The following PPARD variants were observed in gnomAD, a reference collection of about 807,000 sequenced individuals.
PPARD encodes peroxisome proliferator activated receptor delta.
PPARD carries 6 observed loss-of-function variants against 39.5 expected under a neutral mutation model. The observed-to-expected ratio is 0.15, with a 90% confidence interval of 0.08 to 0.30. The LOEUF (loss-of-function observed/expected upper bound fraction) is 0.30. Among genes scored for constraint, PPARD ranks in the 10% least tolerant of loss-of-function variants. The pLI is 1.00. For missense variants in PPARD, 397 were observed against 596.8 expected (o/e 0.67, Z 3.49); for synonymous variants, 210 against 231.3 (o/e 0.91, Z 0.83).
intron 2 of PPARD, among the ~76,000 whole-genome samples, chr6:35,384,692 C>T (rs1763472119): frequency 2.2e-5 from 2 of 92,236 alleles, no homozygotes; most frequent in Non-Finnish European, 4.0e-5. Context: ...GCCAGCCGCC[C>T]CGTCTGGGAG....
intron 2 of PPARD, among the ~76,000 whole-genome samples, chr6:35,352,753 T>G (rs538624760): frequency 6.6e-6 from 1 of 152,184 alleles, no homozygotes; most frequent in Non-Finnish European, 1.5e-5. Flanking sequence ...TTGAATGGAG[T>G]GCGTATACAT....
At position 35,365,431 on chromosome 6, in the gene PPARD, C is replaced by T. The variant is rs141804010; in HGVS notation, c.-102+18281C>T. Among the ~76,000 whole-genome samples, 475 of 150,820 alleles carry T rather than the reference C, an allele frequency of 3.1e-3. 12 individuals are homozygous for T. The highest frequency in any genetic ancestry group is 9.8e-3 in the African/African-American group (398 of 40,552). On this transcript the variant is annotated intron_variant, in intron 2 of 7. Transcript: ENST00000360694. ...CTGGGATTACAGGTGTGAGCCACCA[C>T]GCCCAGCCCCTCATTCTTTTTTTTT...
At chr6:35,390,064 C>T (rs950963626) in intron 2 of PPARD, among the ~76,000 whole-genome samples, 5 of 152,190 alleles carry the variant, frequency 3.3e-5, no homozygotes, top group East Asian at 1.9e-4. Flanking sequence ...CCAGCCAAAG[C>T]GGACAGCTCG....
intron 2 of PPARD, among the ~76,000 whole-genome samples, chr6:35,372,489 T>G (rs1202812088): frequency 6.6e-6 from 1 of 152,244 alleles, no homozygotes; most frequent in Non-Finnish European, 1.5e-5. Context: ...CACTCTGAGC[T>G]TTATAACCAG....
In PPARD at chr6:35,424,058, C is replaced by T. The variant is rs201159222; in HGVS notation, c.537C>T (p.Ser179=). 1.9e-6 allele frequency: 3 copies of T among 1,614,180 alleles called. No homozygotes were observed. Among genetic ancestry groups the T allele is most frequent in the Non-Finnish European group, 1.7e-6 (2 of 1,180,046 alleles). The change falls in exon 6 of 8, where the codon TCC becomes TCT. Residue 179 remains serine (S), a synonymous_variant. Transcript: ENST00000360694. The surrounding 1 kb of genome is among the most constrained non-coding windows in gnomAD (Gnocchi z 7.1). ...NPQVADLKAF[S]KHIYNAYLKN... ...AGGTGGCCGACCTGAAGGCCTTCTC[C>T]AAGCACATCTACAATGCCTACCTGA...
At position 35,404,953 on chromosome 6, in the gene PPARD, T is replaced by TGTGTGTGTGTG. The variant is rs1764934030; in HGVS notation, c.-101-6034_-101-6033insGTGTGTGTGTG. On this transcript the variant is annotated intron_variant, in intron 2 of 7. Transcript: ENST00000360694. ...GGGGGCTGCATGTGCACTGCAGGCT[T>TGTGTGTGTGTG]TGTGTGTGTGTGTGTGTGTGTGTGT... 3.2e-4 allele frequency among the ~76,000 whole-genome samples: 45 copies of TGTGTGTGTGTG among 142,216 alleles called. 1 individual carries two copies. Among genetic ancestry groups the TGTGTGTGTGTG allele is most frequent in the Admixed American group, 3.0e-3 (43 of 14,562 alleles). The allele number at this position is 142,216 out of a possible 152,430, so 93.3% of individuals were successfully genotyped here. A position where few individuals can be genotyped will look rare whatever the true frequency, so the allele number is the denominator to read the frequency against.
chr6:35,422,533 C>T lies in PPARD; in HGVS notation c.424+575C>T, dbSNP rs1766240997. On this transcript the variant is annotated intron_variant, in intron 5 of 7. Coordinates refer to ENST00000360694, the MANE Select transcript of PPARD (RefSeq NM_006238.5). ...CCCCAGGGTAGGATATTGCAAAGCC[C>T]ACCTGTCCCCTCAGTACCTCTCTGA... 5.3e-5 allele frequency among the ~76,000 whole-genome samples: 8 copies of T among 152,176 alleles called. No homozygotes were observed. The South Asian group carries it at 1.7e-3, about 32-fold the overall frequency.
intron 5 of PPARD, among the ~76,000 whole-genome samples, chr6:35,423,546 G>T (rs1163417031): frequency 1.3e-5 from 2 of 150,554 alleles, no homozygotes; most frequent in Non-Finnish European, 3.0e-5. Context: ...AAAAAAAAAA[G>T]AAAAGAAAAA....
chr6:35,363,334 A>T lies in PPARD; in HGVS notation c.-102+16184A>T, dbSNP rs906559829. 6.6e-6 allele frequency among the ~76,000 whole-genome samples: 1 copy of T among 152,060 alleles called. No individual in the cohort carries two copies. The highest frequency in any genetic ancestry group is 2.4e-5 in the African/African-American group (1 of 41,390). On this transcript the variant is annotated intron_variant, in intron 2 of 7. Coordinates refer to ENST00000360694, the MANE Select transcript of PPARD (RefSeq NM_006238.5). This position sits in a 1 kb window ranked among gnomAD's most constrained non-coding sequence, Gnocchi z 4.5. ...TGTGCGTTCCTGTGGGCCTGCCTGGATCATATCTGTTCTGCTGTGATCCCA... is the reference window on the plus strand; with the variant it reads ...TGTGCGTTCCTGTGGGCCTGCCTGGTTCATATCTGTTCTGCTGTGATCCCA...
In PPARD at chr6:35,376,338, TA is replaced by T. The variant is rs1296660916; in HGVS notation, c.-102+29189del. On this transcript the variant is annotated intron_variant, in intron 2 of 7. Transcript: ENST00000360694. Reference sequence around the variant, plus strand: ...GAGCATTTTACCACCAAAGTCTCTATATTTGTTCTTTCTGTGTTCCTTTATC... The same window carrying T: ...GAGCATTTTACCACCAAAGTCTCTATTTTGTTCTTTCTGTGTTCCTTTATC... Among the ~76,000 whole-genome samples, 18 of 152,354 alleles carry T rather than the reference TA, an allele frequency of 1.2e-4. No homozygotes were observed. In the East Asian group the frequency reaches 3.1e-3, roughly 26 times the overall value.
chr6:35,344,167 G>A (rs1289524612), intron 1 of PPARD, among the ~76,000 whole-genome samples: 1 of 152,016 alleles, frequency 6.6e-6, no homozygotes, highest in Non-Finnish European at 1.5e-5. Context: ...TGTTCTCTTG[G>A]AGTCTCTTCT....
rs574172381 is a variant in PPARD at position 35,396,197 on chromosome 6, T to TTTC, written c.-101-14775_-101-14773dup. The stretch of plus-strand genomic sequence containing the variant: ...TTCTTTGAAACTCTTAAGTATTTTA[T>TTTC]TTCTTCTTCTTCTTCTTTTTTTTTT... On this transcript the variant is annotated intron_variant, in intron 2 of 7. Transcript: ENST00000360694. Among the ~76,000 whole-genome samples the TTTC allele has an allele frequency of 3.2e-4, 49 of 151,976 alleles. 1 individual carries two copies. In the East Asian group the frequency reaches 7.0e-3, roughly 22 times the overall value.
intron 2 of PPARD, among the ~76,000 whole-genome samples, chr6:35,347,648 C>T (rs910916267): frequency 6.6e-6 from 1 of 151,518 alleles, no homozygotes; most frequent in African/African-American, 2.4e-5. Context: ...TGCTCTTGTC[C>T]CCCAGACTGG....
intron 2 of PPARD, among the ~76,000 whole-genome samples, chr6:35,387,203 G>T (rs182188717): frequency 6.9e-6 from 1 of 145,494 alleles, no homozygotes; most frequent in Non-Finnish European, 1.5e-5. Context: ...GGTTGCTGTC[G>T]GTGAGCTCAC....
intron 2 of PPARD, among the ~76,000 whole-genome samples, chr6:35,368,300 T>G (rs1411251299): frequency 6.6e-6 from 1 of 152,252 alleles, no homozygotes; most frequent in Non-Finnish European, 1.5e-5. Context: ...GGAGTTTCCC[T>G]TTCTGCGCTT....
At chr6:35,395,432 T>C (rs1350190997) in intron 2 of PPARD, among the ~76,000 whole-genome samples, 3 of 152,178 alleles carry the variant, frequency 2.0e-5, no homozygotes, top group African/African-American at 7.2e-5. Context: ...CTGGGAGTCA[T>C]AGTGGACTGT....
At chr6:35,374,862 T>C (rs1030052642) in intron 2 of PPARD, among the ~76,000 whole-genome samples, 1 of 152,078 alleles carries the variant, frequency 6.6e-6, no homozygotes, top group Non-Finnish European at 1.5e-5. Flanking sequence ...CACATCCCCC[T>C]GGTCACCTGA....
chr6:35,403,945 G>A (rs963439582), intron 2 of PPARD, among the ~76,000 whole-genome samples: 1 of 152,216 alleles, frequency 6.6e-6, no homozygotes, highest in African/African-American at 2.4e-5. Context: ...AGGGAGGCAG[G>A]GACGAGAGCC....
chr6:35,372,198 G>T (rs1762515989), intron 2 of PPARD, among the ~76,000 whole-genome samples: 1 of 152,130 alleles, frequency 6.6e-6, no homozygotes, highest in Non-Finnish European at 1.5e-5. Flanking sequence ...TATTTTTTGA[G>T]ACGGAGTCTC....
Sources: allele counts gnomAD v4.1 joint callset (sites outside exome capture counted in the v4.1 genomes callset), GRCh38; gene constraint gnomAD v4.1.1; non-coding constraint Gnocchi (gnomAD v3.1); transcripts MANE v1.5; gene names NCBI Gene and HGNC (gene_info 2026-07-23, HGNC 2026-07-21).